RAB38: variants seen among roughly 807,000 people sequenced by gnomAD.
RAB38 encodes RAB38, member RAS oncogene family.
A neutral mutation model predicts 18.4 loss-of-function variants in RAB38; 15 were observed. That is an observed-to-expected ratio of 0.82 (90% CI 0.55 to 1.26). The LOEUF (loss-of-function observed/expected upper bound fraction) is 1.26, where lower values mean the gene tolerates loss of function less well. RAB38 is among the 50% of genes most tolerant of loss of function. RAB38 has a pLI of 0.00. For missense variants in RAB38, 294 were observed against 267.4 expected (o/e 1.10, Z -0.69); for synonymous variants, 101 against 104.4 (o/e 0.97, Z 0.20).
At chr11:88,029,903 C>T in the RAB38 span, among the ~76,000 whole-genome samples, 1 of 152,154 alleles carries the variant, frequency 6.6e-6, no homozygotes, top group Non-Finnish European at 1.5e-5. Flanking sequence ...CAGAACTCTC[C>T]ACCCCAAATC....
the RAB38 span, among the ~76,000 whole-genome samples, chr11:88,049,864 C>T: frequency 6.6e-6 from 1 of 152,170 alleles, no homozygotes; most frequent in African/African-American, 2.4e-5. Context: ...GTTTTTACTA[C>T]AGTGAATTCA....
intron 2 of RAB38, among the ~76,000 whole-genome samples, chr11:88,129,708 C>T (rs1047917298): frequency 2.6e-5 from 4 of 152,196 alleles, no homozygotes; most frequent in Admixed American, 1.3e-4. Flanking sequence ...TATAGACTGA[C>T]ATTTTAAGGA....
the RAB38 span, among the ~76,000 whole-genome samples, chr11:87,971,718 G>A: frequency 9.2e-5 from 14 of 152,036 alleles, no homozygotes; most frequent in African/African-American, 3.1e-4. Flanking sequence ...GAGTGAGTGT[G>A]GGAACAAGAT....
the RAB38 span, among the ~76,000 whole-genome samples, chr11:87,858,214 T>C: frequency 1.3e-5 from 2 of 152,138 alleles, no homozygotes; most frequent in African/African-American, 4.8e-5. Context: ...TTCTGTTCCA[T>C]TGGTCTATAT....
At chr11:87,881,532 CATTT>C in the RAB38 span, among the ~76,000 whole-genome samples, 4 of 151,944 alleles carry the variant, frequency 2.6e-5, no homozygotes, top group Admixed American at 1.3e-4. Flanking sequence ...TCTCTACATT[CATTT>C]GTTATTCTCA....
the RAB38 span, among the ~76,000 whole-genome samples, chr11:87,824,266 T>A: frequency 6.6e-6 from 1 of 152,176 alleles, no homozygotes; most frequent in Non-Finnish European, 1.5e-5. Flanking sequence ...ATTGGCCCAC[T>A]AGAAAATATC....
chr11:88,133,457 G>C (rs1023568651), intron 2 of RAB38, among the ~76,000 whole-genome samples: 3 of 151,982 alleles, frequency 2.0e-5, no homozygotes, highest in African/African-American at 7.3e-5. Flanking sequence ...TGAAATTTAG[G>C]CTTGCTACTA....
chr11:88,059,813 G>A, the RAB38 span, among the ~76,000 whole-genome samples: 31 of 147,148 alleles, frequency 2.1e-4, no homozygotes, highest in African/African-American at 6.3e-4. Context: ...ACCCTGGTCC[G>A]GCTCACTGTC....
At chr11:87,900,657 AAGGT>A in the RAB38 span, among the ~76,000 whole-genome samples, 9 of 121,370 alleles carry the variant, frequency 7.4e-5, no homozygotes, top group Non-Finnish European at 1.0e-4. Context: ...CACAGAAAGA[AAGGT>A]AGGAAGGAAG....
chr11:87,842,428 C>T, the RAB38 span, among the ~76,000 whole-genome samples: 2 of 152,106 alleles, frequency 1.3e-5, no homozygotes, highest in Admixed American at 6.6e-5. Flanking sequence ...GGCTCCAAGG[C>T]CTACCTCATT....
chr11:88,109,266 G>C (rs148531353), downstream of RAB38, among the ~76,000 whole-genome samples: 23 of 152,250 alleles, frequency 1.5e-4, no homozygotes, highest in African/African-American at 5.3e-4. Context: ...AACAAGCCAT[G>C]CGGAAAGGAT....
chr11:88,149,973 T>C lies in RAB38; in HGVS notation c.203-18A>G, dbSNP rs781497218. On this transcript the variant is annotated intron_variant, in intron 1 of 2. Transcript: ENST00000243662. ...TTCTTGACCTGACACCAAAAAGAAA[T>C]AAAAATAAAAATGTATTAAAATTGC... 1 of 1,588,216 alleles carries C rather than the reference T, an allele frequency of 6.3e-7. No individual in the cohort carries two copies. Among genetic ancestry groups the C allele is most frequent in the African/African-American group, 1.4e-5 (1 of 73,312 alleles).
the RAB38 span, among the ~76,000 whole-genome samples, chr11:87,832,313 ACAAT>A: frequency 3.3e-5 from 5 of 152,292 alleles, no homozygotes; most frequent in Middle Eastern, 3.4e-3. Flanking sequence ...GTGGCTTAAA[ACAAT>A]CAATCAGTCA....
At chr11:87,964,759 T>C in the RAB38 span, among the ~76,000 whole-genome samples, 22 of 152,272 alleles carry the variant, frequency 1.4e-4, no homozygotes, top group African/African-American at 5.3e-4. Flanking sequence ...CCTGGCATTA[T>C]TCCTCTATTT....
At chr11:88,073,095 G>C in the RAB38 span, among the ~76,000 whole-genome samples, 106 of 152,178 alleles carry the variant, frequency 7.0e-4, no homozygotes, top group Admixed American at 1.4e-3. Flanking sequence ...GTGAGGTCAG[G>C]GTGGACAATC....
intron 1 of RAB38, chr11:88,166,097 T>C (rs1272285019): frequency 6.6e-6 from 1 of 152,034 alleles, no homozygotes; most frequent in Non-Finnish European, 1.5e-5. Context: ...CCAGCAGACA[T>C]GAACCAGCAG....
chr11:88,170,840 T>C (rs1210854781), intron 1 of RAB38, among the ~76,000 whole-genome samples: 1 of 150,058 alleles, frequency 6.7e-6, no homozygotes, highest in Non-Finnish European at 1.5e-5. Context: ...CCAACTTAAT[T>C]TATTTTCCAC....
intron 1 of RAB38, among the ~76,000 whole-genome samples, chr11:88,168,446 G>A (rs933787320): frequency 2.6e-5 from 4 of 151,996 alleles, no homozygotes; most frequent in African/African-American, 9.7e-5. Flanking sequence ...TCCCCTGGTT[G>A]ACTTTCTTTT....
chr11:87,929,954 C>T, the RAB38 span, among the ~76,000 whole-genome samples: 3 of 152,166 alleles, frequency 2.0e-5, no homozygotes, highest in South Asian at 2.1e-4. Flanking sequence ...TTTCTTAATC[C>T]AGTCTATCAT....
Sources: allele counts gnomAD v4.1 joint callset (sites outside exome capture counted in the v4.1 genomes callset), GRCh38; gene constraint gnomAD v4.1.1; transcripts MANE v1.5; gene names NCBI Gene and HGNC (gene_info 2026-07-23, HGNC 2026-07-21).